PCDHA6: variants seen among roughly 807,000 people sequenced by gnomAD.
PCDHA6 encodes the protein protocadherin alpha 6.
In PCDHA6, 55 loss-of-function variants were observed where a neutral mutation model predicts 60.3. The observed-to-expected ratio is 0.91, with a 90% CI of 0.73 to 1.14. PCDHA6 has a LOEUF of 1.14. PCDHA6 is among the 50% of genes most tolerant of loss of function. PCDHA6 has a pLI of 0.00. For missense variants in PCDHA6, 1,327 were observed against 1,256.5 expected (o/e 1.06, Z -0.85); for synonymous variants, 652 against 557.9 (o/e 1.17, Z -2.38).
In PCDHA6 at chr5:140,870,598, G is replaced by A. The variant is rs1273087028; in HGVS notation, c.2394+40113G>A. On this transcript the variant is annotated intron_variant, in intron 1 of 3. Transcript: ENST00000529310. Reference sequence around the variant, plus strand: ...CTACTCGCTGGTGGAGCGGCGGTTGGGCGACCGCGCGCTGTCGAGCTACGT... The same window carrying A: ...CTACTCGCTGGTGGAGCGGCGGTTGAGCGACCGCGCGCTGTCGAGCTACGT... The A allele has an allele frequency of 3.7e-6, 6 of 1,613,282 alleles. No individual in the cohort carries two copies. The African/African-American group carries it at 8.0e-5, about 22-fold the overall frequency.
At chr5:140,909,472 G>A (rs2074524054) in intron 1 of PCDHA6, among the ~76,000 whole-genome samples, 1 of 152,168 alleles carries the variant, frequency 6.6e-6, no homozygotes, top group South Asian at 2.1e-4. Context: ...CTTCTTCACA[G>A]GCTAAATAGG....
chr5:140,974,322 G>A (rs11743888), intron 1 of PCDHA6, among the ~76,000 whole-genome samples: 7,497 of 152,260 alleles, frequency 0.049, 207 homozygotes, highest in Middle Eastern at 0.068. Flanking sequence ...GAGAGTAGCT[G>A]CTGTGCTAGC....
intron 1 of PCDHA6, among the ~76,000 whole-genome samples, chr5:140,902,675 C>G (rs1554190566): frequency 1.3e-5 from 2 of 152,154 alleles, no homozygotes; most frequent in Admixed American, 1.3e-4. Flanking sequence ...GCAGTGTACA[C>G]CGTACCTAAT....
rs17119229 is a variant in PCDHA6, at chr5:140,842,497, T to C, written c.2394+12012T>C. ...AGGTGACCTGCTCCCTGATGCCCCA[T>C]GTCCCCTTCAAGCTGGTGTCCACCT... is the stretch of plus-strand genomic sequence containing the variant. On this transcript the variant is annotated intron_variant, in intron 1 of 3. Transcript: ENST00000529310. 27 of 1,613,862 alleles carry C rather than the reference T, an allele frequency of 1.7e-5. No homozygotes were observed. The South Asian group carries it at 1.8e-4, about 11-fold the overall frequency.
intron 1 of PCDHA6, among the ~76,000 whole-genome samples, chr5:140,908,402 T>C (rs2073951162): frequency 6.6e-6 from 1 of 152,166 alleles, no homozygotes; most frequent in Non-Finnish European, 1.5e-5. Flanking sequence ...TATATACCAC[T>C]TCCATTTGAT....
At chr5:140,871,627 G>A (rs1448842330) in intron 1 of PCDHA6, 32 of 1,398,812 alleles carry the variant, frequency 2.3e-5, no homozygotes, top group African/African-American at 4.4e-5. Flanking sequence ...AGATAACAAT[G>A]TCTGTTCATA....
At chr5:140,834,867 A>G (rs2150228348) in intron 1 of PCDHA6, 9 of 1,609,692 alleles carry the variant, frequency 5.6e-6, no homozygotes, top group Non-Finnish European at 7.6e-6. Flanking sequence ...CGATGCAGAT[A>G]TCGGGGAGAA....
chr5:140,841,344 A>G, intron 1 of PCDHA6: 5 of 1,612,282 alleles, frequency 3.1e-6, no homozygotes, highest in Non-Finnish European at 4.2e-6. Flanking sequence ...TGGCGAGGAG[A>G]GCTGGGATCC....
intron 1 of PCDHA6, among the ~76,000 whole-genome samples, chr5:140,832,503 T>C (rs2150202042): frequency 6.6e-6 from 1 of 152,324 alleles, no homozygotes; most frequent in East Asian, 1.9e-4. Flanking sequence ...AGTGGCAGAA[T>C]TGTCTCTGAT....
At chr5:141,007,395 C>CAAAAAA (rs35800918) in intron 3 of PCDHA6, among the ~76,000 whole-genome samples, 36 of 94,826 alleles carry the variant, frequency 3.8e-4, no homozygotes, top group African/African-American at 6.0e-4. Context: ...TACTAAAATA[C>CAAAAAA]AAAAAAAAAA....
intron 1 of PCDHA6, chr5:140,848,628 G>A (rs1324481449): frequency 6.3e-7 from 1 of 1,593,422 alleles, no homozygotes; most frequent in Non-Finnish European, 8.6e-7. Flanking sequence ...CGGCACCTTC[G>A]TGGGCCGCAT....
At chr5:140,915,699 C>G (rs1321126272) in intron 1 of PCDHA6, among the ~76,000 whole-genome samples, 1 of 151,944 alleles carries the variant, frequency 6.6e-6, no homozygotes, top group Non-Finnish European at 1.5e-5. Context: ...GTGATGCAAG[C>G]ACTCCTGTGG....
intron 1 of PCDHA6, chr5:140,841,933 C>G (rs2150325780): frequency 1.2e-6 from 2 of 1,613,858 alleles, no homozygotes; most frequent in Non-Finnish European, 1.7e-6. Flanking sequence ...ACAGAGAGGA[C>G]GCTCCTGCGC....
chr5:140,906,744 A>G (rs2072897297), intron 1 of PCDHA6, among the ~76,000 whole-genome samples: 1 of 152,210 alleles, frequency 6.6e-6, no homozygotes, highest in Admixed American at 6.5e-5. Context: ...CCATTGACAC[A>G]GGGCATGGTA....
chr5:140,870,748 A>G lies in PCDHA6; in HGVS notation c.2394+40263A>G, dbSNP rs782462608. ...CGTGCCGCCTCTGAGCAGCAACGTG[A>G]CGCTGCAGGTGTTCGTGCTGGACGA... On this transcript the variant is annotated intron_variant, in intron 1 of 3. Transcript: ENST00000529310. The G allele has an allele frequency of 1.9e-6, 3 of 1,613,510 alleles. No individual in the cohort carries two copies. In the South Asian group the frequency reaches 3.3e-5, roughly 18 times the overall value.
At chr5:140,916,665 G>A (rs1166692195) in intron 1 of PCDHA6, among the ~76,000 whole-genome samples, 2 of 152,184 alleles carry the variant, frequency 1.3e-5, no homozygotes, top group Non-Finnish European at 2.9e-5. Flanking sequence ...CAAGATGCAA[G>A]ACAAAGTCCT....
chr5:140,970,948 C>A (rs1339410112), intron 1 of PCDHA6, among the ~76,000 whole-genome samples: 2 of 152,114 alleles, frequency 1.3e-5, no homozygotes, highest in East Asian at 3.8e-4. Flanking sequence ...TGCTGAGAAA[C>A]CATGGGAGGC....
At chr5:140,990,022 G>C (rs891983888) in intron 3 of PCDHA6, among the ~76,000 whole-genome samples, 1 of 152,156 alleles carries the variant, frequency 6.6e-6, no homozygotes, top group Non-Finnish European at 1.5e-5. Flanking sequence ...GCTAGGCAAA[G>C]GATGGGAGAA....
At chr5:140,947,769 A>G (rs2094173274) in intron 1 of PCDHA6, among the ~76,000 whole-genome samples, 1 of 151,626 alleles carries the variant, frequency 6.6e-6, no homozygotes, top group South Asian at 2.1e-4. Context: ...AAAAAATTCT[A>G]TTGTAAATGG....
Sources: allele counts gnomAD v4.1 joint callset (sites outside exome capture counted in the v4.1 genomes callset), GRCh38; gene constraint gnomAD v4.1.1; transcripts MANE v1.5; gene names NCBI Gene and HGNC (gene_info 2026-07-23, HGNC 2026-07-21).